SPPL3: variants seen among roughly 807,000 people sequenced by gnomAD.
The protein encoded by SPPL3 is signal peptide peptidase-like 3.
Under a neutral mutation model 42.4 loss-of-function variants are expected in SPPL3, and 5 were observed. The ratio of observed to expected loss-of-function variants is 0.12; its 90% CI spans 0.06 to 0.25. The LOEUF (loss-of-function observed/expected upper bound fraction) is 0.25. SPPL3 is among the 10% of genes least tolerant of loss of function. The probability of loss-of-function intolerance (pLI) is 1.00; values close to 1 mark genes in which losing one functional copy is unlikely to be tolerated. For synonymous variants in SPPL3, 195 were observed against 181.8 expected, an observed-to-expected ratio of 1.07 and a Z score of -0.58; for missense variants, 235 against 489.0, an observed-to-expected ratio of 0.48 and a Z score of 4.90.
intron 1 of SPPL3, among the ~76,000 whole-genome samples, chr12:120,876,654 T>C (rs1873105823): frequency 7.1e-6 from 1 of 140,122 alleles, no homozygotes; most frequent in Admixed American, 7.0e-5. Context: ...GAAAATATTT[T>C]GACTTGAATG....
intron 1 of SPPL3, among the ~76,000 whole-genome samples, chr12:120,838,173 G>C (rs1871684368): frequency 6.6e-6 from 1 of 152,176 alleles, no homozygotes; most frequent in South Asian, 2.1e-4. Context: ...GACACGAAAG[G>C]CTAGAAAAAG....
intron 1 of SPPL3, among the ~76,000 whole-genome samples, chr12:120,872,869 C>G (rs1872970761): frequency 6.6e-6 from 1 of 152,140 alleles, no homozygotes; most frequent in Non-Finnish European, 1.5e-5. Context: ...TCAAACTGAT[C>G]CAAACATTAC....
chr12:120,864,089 C>A (rs1039859487), intron 1 of SPPL3, among the ~76,000 whole-genome samples: 2 of 152,172 alleles, frequency 1.3e-5, no homozygotes, highest in African/African-American at 4.8e-5. Context: ...CTGAATGGAT[C>A]CTTACCCATG....
At chr12:120,895,513 G>A (rs1873774193) in intron 1 of SPPL3, among the ~76,000 whole-genome samples, 1 of 151,762 alleles carries the variant, frequency 6.6e-6, no homozygotes, top group Non-Finnish European at 1.5e-5. Flanking sequence ...AGAAATCAGT[G>A]ACAATTTGGA....
intron 2 of SPPL3, among the ~76,000 whole-genome samples, chr12:120,798,911 C>T (rs1870197435): frequency 6.6e-6 from 1 of 152,172 alleles, no homozygotes; most frequent in Non-Finnish European, 1.5e-5. Context: ...GGAGCCTCTC[C>T]CATGAGACTG....
intron 1 of SPPL3, among the ~76,000 whole-genome samples, chr12:120,818,379 C>T (rs1201834695): frequency 6.6e-6 from 1 of 152,176 alleles, no homozygotes; most frequent in African/African-American, 2.4e-5. Flanking sequence ...TACATTCCTG[C>T]AAGCCTTTAC....
At chr12:120,851,577 C>T (rs1005492271) in intron 1 of SPPL3, among the ~76,000 whole-genome samples, 7 of 152,106 alleles carry the variant, frequency 4.6e-5, no homozygotes, top group Non-Finnish European at 7.4e-5. Context: ...TCAGATGGGA[C>T]ACTGCCACTC....
intron 2 of SPPL3, among the ~76,000 whole-genome samples, chr12:120,799,719 C>T (rs145368972): frequency 5.5e-4 from 84 of 152,216 alleles, no homozygotes; most frequent in African/African-American, 1.5e-3. Context: ...CATGGGTCAC[C>T]GCTGCACAAA....
At chr12:120,817,390 A>G (rs905828416) in intron 1 of SPPL3, among the ~76,000 whole-genome samples, 2 of 152,234 alleles carry the variant, frequency 1.3e-5, no homozygotes, top group Non-Finnish European at 2.9e-5. Flanking sequence ...GTTGCCCATC[A>G]TTGACATAGC....
intron 1 of SPPL3, among the ~76,000 whole-genome samples, chr12:120,860,013 C>T (rs973532390): frequency 3.3e-5 from 5 of 152,124 alleles, no homozygotes; most frequent in African/African-American, 4.8e-5. Context: ...GGCCAAGGCG[C>T]AGGGACTGCT....
chr12:120,874,406 T>C (rs1873016794), intron 1 of SPPL3, among the ~76,000 whole-genome samples: 1 of 145,586 alleles, frequency 6.9e-6, no homozygotes, highest in Non-Finnish European at 1.5e-5. Context: ...TGAGCTGAGA[T>C]TGCGCCACTG....
At chr12:120,857,377 G>A (rs1005184311) in intron 1 of SPPL3, among the ~76,000 whole-genome samples, 2 of 152,198 alleles carry the variant, frequency 1.3e-5, no homozygotes, top group Non-Finnish European at 2.9e-5. Flanking sequence ...CTGTTGGTGG[G>A]AATGTAAATT....
At chr12:120,811,427 G>C (rs981153785) in intron 1 of SPPL3, 1 of 152,228 alleles carries the variant, frequency 6.6e-6, no homozygotes, top group Admixed American at 6.5e-5. Flanking sequence ...CATCTTAGCT[G>C]ATCCTCTCAA....
chr12:120,788,430 A>G (rs1426239601), intron 3 of SPPL3, among the ~76,000 whole-genome samples: 1 of 152,146 alleles, frequency 6.6e-6, no homozygotes, highest in East Asian at 1.9e-4. Flanking sequence ...AGAAACTTTC[A>G]ATTACAAACT....
chr12:120,884,010 C>T (rs1045394108), intron 1 of SPPL3, among the ~76,000 whole-genome samples: 3 of 150,000 alleles, frequency 2.0e-5, no homozygotes, highest in African/African-American at 7.4e-5. Context: ...CTGAGGCAGG[C>T]GAATCGCTTG....
At chr12:120,786,225 A>G (rs1329303918) in intron 3 of SPPL3, among the ~76,000 whole-genome samples, 1 of 152,198 alleles carries the variant, frequency 6.6e-6, no homozygotes, top group Non-Finnish European at 1.5e-5. Context: ...GTCTGTCCTG[A>G]CCCTAGTCAA....
chr12:120,863,040 C>T (rs1872655879), intron 1 of SPPL3, among the ~76,000 whole-genome samples: 1 of 152,094 alleles, frequency 6.6e-6, no homozygotes, highest in Non-Finnish European at 1.5e-5. Context: ...GGATAAAGAC[C>T]AAATATATAT....
At chr12:120,821,549 T>C (rs1284427821) in intron 1 of SPPL3, among the ~76,000 whole-genome samples, 3 of 152,242 alleles carry the variant, frequency 2.0e-5, no homozygotes, top group Admixed American at 2.0e-4. Flanking sequence ...AAAATTATAA[T>C]ACAGCTTTTG....
chr12:120,816,782 C>A lies in SPPL3; in HGVS notation c.24-5896G>T, dbSNP rs184750357. Among the ~76,000 whole-genome samples the A allele has an allele frequency of 5.3e-5, 8 of 152,292 alleles. No individual in the cohort carries two copies. In the East Asian group the frequency reaches 1.3e-3, roughly 26 times the overall value. On this transcript the variant is annotated intron_variant, in intron 1 of 10. Coordinates refer to ENST00000353487, the MANE Select transcript of SPPL3 (RefSeq NM_139015.5). ...GTTTTTTAAGATCAAGAGCCAGATG[C>A]ACTTCTGATCTTAGGAGGCCTAATT...
Sources: allele counts gnomAD v4.1 joint callset (sites outside exome capture counted in the v4.1 genomes callset), GRCh38; gene constraint gnomAD v4.1.1; transcripts MANE v1.5; gene names NCBI Gene and HGNC (gene_info 2026-07-23, HGNC 2026-07-21).